Variants in MSL2 observed in about 807,000 individuals in gnomAD.
MSL2 encodes E3 ubiquitin-protein ligase MSL2.
A neutral mutation model predicts 35.8 loss-of-function variants in MSL2; 2 were observed. That is an observed-to-expected ratio of 0.06 (90% CI 0.02 to 0.18). MSL2 has a LOEUF of 0.18. Among genes scored for constraint, MSL2 ranks in the 10% least tolerant of loss-of-function variants. MSL2 has a pLI of 1.00. For missense variants in MSL2, 523 were observed against 706.7 expected (o/e 0.74, Z 2.95); for synonymous variants, 296 against 255.7 (o/e 1.16, Z -1.50).
chr3:136,180,478 G>A (rs984675771), intron 1 of MSL2, among the ~76,000 whole-genome samples: 1 of 151,800 alleles, frequency 6.6e-6, no homozygotes, highest in Non-Finnish European at 1.5e-5. Context: ...GAGGTGGGCA[G>A]ATCACGAGAT....
At chr3:136,154,162 TACTCA>T (rs1455856734) in intron 1 of MSL2, among the ~76,000 whole-genome samples, 1 of 150,310 alleles carries the variant, frequency 6.7e-6, no homozygotes, top group Non-Finnish European at 1.5e-5. Flanking sequence ...AAAGGAGTAC[TACTCA>T]ACTCAAATTC....
chr3:136,185,982 T>C (rs1940511327), intron 1 of MSL2, among the ~76,000 whole-genome samples: 1 of 151,866 alleles, frequency 6.6e-6, no homozygotes, highest in Non-Finnish European at 1.5e-5. Flanking sequence ...CTAAAAGAGG[T>C]TGTCAAAACA....
At position 136,196,250 on chromosome 3, in the gene MSL2, C is replaced by G. The variant is rs1320085474; in HGVS notation, c.-1137G>C. On this transcript the variant is annotated 5_prime_UTR_variant, in exon 1 of 2. Transcript: ENST00000309993. ...CGCCTCAGGCCTCTGCTGGCGGCGA[C>G]GACGACCGTTACCCCAACGGGCAAA... is the stretch of plus-strand genomic sequence containing the variant. 1 of 152,620 alleles carries G rather than the reference C, an allele frequency of 6.6e-6. No individual in the cohort carries two copies. Among genetic ancestry groups the G allele is most frequent in the Admixed American group, 6.5e-5 (1 of 15,288 alleles). The allele number at this position is 152,620 out of a possible 1,614,324, so 9.5% of individuals were successfully genotyped here.
chr3:136,194,862 A>G (rs1462611055), intron 1 of MSL2, 110 bp downstream of exon 1: 6 of 1,509,506 alleles, frequency 4.0e-6, no homozygotes, highest in Non-Finnish European at 5.4e-6. Flanking sequence ...CGCTGCACAA[A>G]TAACAAAAGC....
At chr3:136,193,686 G>A (rs895037448) in intron 1 of MSL2, among the ~76,000 whole-genome samples, 2 of 151,892 alleles carry the variant, frequency 1.3e-5, no homozygotes, top group Admixed American at 6.6e-5. Flanking sequence ...AAGCTGAAAG[G>A]AAACTGAATC....
At chr3:136,188,389 G>A (rs541867187) in intron 1 of MSL2, among the ~76,000 whole-genome samples, 217 of 149,854 alleles carry the variant, frequency 1.4e-3, no homozygotes, top group Non-Finnish European at 2.4e-3. Flanking sequence ...AGCCGAGATC[G>A]CACCACTGCA....
At chr3:136,169,110 C>G (rs1939936491) in intron 1 of MSL2, among the ~76,000 whole-genome samples, 1 of 151,600 alleles carries the variant, frequency 6.6e-6, no homozygotes, top group South Asian at 2.1e-4. Context: ...GAAAGGCACT[C>G]TGAAACGCTG....
At chr3:136,188,796 A>G (rs1276321703) in intron 1 of MSL2, among the ~76,000 whole-genome samples, 3 of 151,344 alleles carry the variant, frequency 2.0e-5, no homozygotes. Context: ...CACACCTACC[A>G]GATCTTACCA....
intron 1 of MSL2, among the ~76,000 whole-genome samples, chr3:136,177,886 T>C (rs772275285): frequency 9.2e-5 from 14 of 152,094 alleles, no homozygotes; most frequent in Non-Finnish European, 1.5e-4. Flanking sequence ...ATTTTAAAAA[T>C]ATAAATGTCA....
intron 1 of MSL2, among the ~76,000 whole-genome samples, chr3:136,165,911 AAC>A (rs1939833348): frequency 1.3e-5 from 2 of 152,154 alleles, no homozygotes; most frequent in African/African-American, 2.4e-5. Context: ...AATTGTTCGT[AAC>A]ACAAAGGATA....
At chr3:136,181,960 T>A (rs1445326430) in intron 1 of MSL2, among the ~76,000 whole-genome samples, 1 of 148,500 alleles carries the variant, frequency 6.7e-6, no homozygotes, top group Non-Finnish European at 1.5e-5. Flanking sequence ...AAATAAATAA[T>A]CAAAACTTAC....
rs1453756937 is a variant in MSL2, at chr3:136,149,178, A to C, written c.*1969T>G. On this transcript the variant is annotated 3_prime_UTR_variant, in exon 2 of 2. Coordinates refer to ENST00000309993, the MANE Select transcript of MSL2 (RefSeq NM_018133.4). Reference sequence around the variant, plus strand: ...TTGGGAAGCAATAAAGTACTCTATGAATTTTAAGATCATAATATTAGGAAA... The same window carrying C: ...TTGGGAAGCAATAAAGTACTCTATGCATTTTAAGATCATAATATTAGGAAA... 1 of 152,280 alleles carries C rather than the reference A, an allele frequency of 6.6e-6. No individual in the cohort carries two copies. Among genetic ancestry groups the C allele is most frequent in the Non-Finnish European group, 1.5e-5 (1 of 67,972 alleles). The allele number at this position is 152,280 out of a possible 1,614,324, so 9.4% of individuals were successfully genotyped here. A position where few individuals can be genotyped will look rare whatever the true frequency, so the allele number is the denominator to read the frequency against.
At chr3:136,185,068 AG>A (rs1279994005) in intron 1 of MSL2, among the ~76,000 whole-genome samples, 1 of 151,950 alleles carries the variant, frequency 6.6e-6, no homozygotes, top group East Asian at 1.9e-4. Context: ...TCCACCTCCC[AG>A]GTTCAGGCAA....
chr3:136,155,333 T>C (rs952823104), intron 1 of MSL2, among the ~76,000 whole-genome samples: 4 of 151,936 alleles, frequency 2.6e-5, no homozygotes, highest in African/African-American at 9.7e-5. Flanking sequence ...GGTGAAACCC[T>C]GTCTCTACTA....
In MSL2 at chr3:136,151,955, T is replaced by C. The variant is rs139311655; in HGVS notation, c.926A>G (p.Gln309Arg). The C allele has an allele frequency of 6.2e-7, 1 of 1,614,216 alleles. No individual in the cohort carries two copies. The highest frequency in any genetic ancestry group is 1.7e-5 in the Admixed American group (1 of 60,028). Residue 309 changes from glutamine (Q) to arginine (R), a missense_variant, in exon 2 of 2, where the codon CAG becomes CGG. Transcript: ENST00000309993. The surrounding 1 kb of genome is among the most constrained non-coding windows in gnomAD (Gnocchi z 5.2). ...SNGPFLQLSSQSLSHNVFMST... is the reference protein window; with the variant it reads ...SNGPFLQLSSRSLSHNVFMST... Reference sequence around the variant, plus strand: ...CATAAAAACATTATGGCTAAGAGACTGGGAAGAAAGCTGCAGAAAAGGTCC... The same window carrying C: ...CATAAAAACATTATGGCTAAGAGACCGGGAAGAAAGCTGCAGAAAAGGTCC...
chr3:136,172,404 A>ACC (rs955250541), intron 1 of MSL2, among the ~76,000 whole-genome samples: 13 of 151,772 alleles, frequency 8.6e-5, no homozygotes, highest in Admixed American at 2.0e-4. Context: ...TGTTATTTAT[A>ACC]CCCTCTCTCT....
chr3:136,189,147 A>AC (rs1559973690), intron 1 of MSL2, among the ~76,000 whole-genome samples: 149 of 140,540 alleles, frequency 1.1e-3, no homozygotes, highest in African/African-American at 4.2e-3. Flanking sequence ...CACACACACA[A>AC]AAATAAGGCG....
chr3:136,174,145 T>C (rs927152057), intron 1 of MSL2, among the ~76,000 whole-genome samples: 3 of 152,242 alleles, frequency 2.0e-5, no homozygotes, highest in Non-Finnish European at 4.4e-5. Flanking sequence ...GCCAGAAACT[T>C]ATTTATCTCT....
chr3:136,157,238 A>AG (rs1553764423), intron 1 of MSL2, among the ~76,000 whole-genome samples: 3 of 151,758 alleles, frequency 2.0e-5, no homozygotes, highest in African/African-American at 7.3e-5. Flanking sequence ...CGATCACCTG[A>AG]GGTCAGGAAG....
Sources: gnomAD v4.1 joint callset for allele counts (sites outside exome capture counted in the v4.1 genomes callset) on GRCh38, gnomAD v4.1.1 for gene constraint, Gnocchi (gnomAD v3.1) non-coding constraint, MANE v1.5 for transcripts, NCBI Gene and HGNC (gene_info 2026-07-23, HGNC 2026-07-21) for gene names.